LARP1B: variants seen among roughly 807,000 people sequenced by gnomAD.
LARP1B encodes the protein la-related protein 1B.
Under a neutral mutation model 114.2 loss-of-function variants are expected in LARP1B, and 76 were observed. The ratio of observed to expected loss-of-function variants is 0.67; its 90% CI spans 0.55 to 0.81. The LOEUF is 0.81. Among genes scored for constraint, LARP1B ranks in the 30% least tolerant of loss-of-function variants. LARP1B has a pLI of 0.00. For synonymous variants in LARP1B, 345 were observed against 348.0 expected (o/e 0.99, Z 0.10); for missense variants, 1,014 against 1,075.8 (o/e 0.94, Z 0.80).
intron 11 of LARP1B, chr4:128,155,468 C>T: frequency 1.3e-6 from 1 of 768,314 alleles, no homozygotes. Flanking sequence ...CCCCCGGCCG[C>T]AGTGCAGGCA....
intron 11 of LARP1B, among the ~76,000 whole-genome samples, chr4:128,147,198 T>G (rs1400918596): frequency 6.6e-6 from 1 of 152,196 alleles, no homozygotes; most frequent in African/African-American, 2.4e-5. Context: ...AGACCTCTTT[T>G]GTATATTTGC....
chr4:128,163,906 C>T (rs1423018644), intron 12 of LARP1B, among the ~76,000 whole-genome samples: 1 of 152,022 alleles, frequency 6.6e-6, no homozygotes, highest in Admixed American at 6.6e-5. Context: ...AAGGTTGAGC[C>T]CCCACCAAGG....
chr4:128,188,022 C>T (rs971916355), intron 15 of LARP1B, among the ~76,000 whole-genome samples: 1 of 152,084 alleles, frequency 6.6e-6, no homozygotes, highest in Admixed American at 6.6e-5. Flanking sequence ...GTACTGCCTA[C>T]AGAACCATGA....
chr4:128,069,099 C>A, intron 1 of LARP1B: 1 of 1,074,082 alleles, frequency 9.3e-7, no homozygotes, highest in Non-Finnish European at 1.4e-6. Context: ...GCACTTAAGG[C>A]CCTTTCCAAG....
intron 8 of LARP1B, 35 bp downstream of exon 8, chr4:128,098,365 T>G (rs1483656548): frequency 6.4e-6 from 10 of 1,560,914 alleles, no homozygotes; most frequent in Non-Finnish European, 7.9e-6. Flanking sequence ...TTGTACTTTC[T>G]GCTCAAATTT....
At chr4:128,182,595 C>G (rs923241901) in intron 15 of LARP1B, among the ~76,000 whole-genome samples, 1 of 152,092 alleles carries the variant, frequency 6.6e-6, no homozygotes, top group Non-Finnish European at 1.5e-5. Flanking sequence ...ATCCCTGTAC[C>G]CTGAGAGACA....
intron 1 of LARP1B, among the ~76,000 whole-genome samples, chr4:128,073,064 T>G (rs1219628861): frequency 2.0e-5 from 3 of 152,106 alleles, no homozygotes; most frequent in Non-Finnish European, 4.4e-5. Flanking sequence ...TTCCTGAAAA[T>G]GGAATTCTTT....
chr4:128,123,176 C>T (rs1364723118), intron 11 of LARP1B: 1 of 985,438 alleles, frequency 1.0e-6, no homozygotes, highest in African/African-American at 1.7e-5. Context: ...CTGGAATCCC[C>T]AGTACTGCTT....
intron 4 of LARP1B, among the ~76,000 whole-genome samples, chr4:128,079,065 G>A (rs1380089570): frequency 6.7e-6 from 1 of 150,200 alleles, no homozygotes; most frequent in Non-Finnish European, 1.5e-5. Context: ...TTTTACCGTA[G>A]ACTGATCACT....
chr4:128,201,047 T>C (rs906676584), intron 17 of LARP1B, among the ~76,000 whole-genome samples: 1 of 152,226 alleles, frequency 6.6e-6, no homozygotes, highest in Non-Finnish European at 1.5e-5. Context: ...GAGGATCTTT[T>C]TCAAGCTCAT....
At chr4:128,169,640 T>A (rs1438807498) in intron 12 of LARP1B, among the ~76,000 whole-genome samples, 1 of 152,130 alleles carries the variant, frequency 6.6e-6, no homozygotes, top group Non-Finnish European at 1.5e-5. Context: ...TATCTATATA[T>A]TTTTTTAAGA....
At chr4:128,098,767 A>ATTTTTTT (rs869184167) in intron 8 of LARP1B, among the ~76,000 whole-genome samples, 1 of 35,032 alleles carries the variant, frequency 2.9e-5, no homozygotes, top group Admixed American at 4.7e-4. Flanking sequence ...ATATATATAT[A>ATTTTTTT]TTTTTTTTTT....
chr4:128,193,552 T>C (rs1752974299), intron 15 of LARP1B, among the ~76,000 whole-genome samples: 1 of 152,176 alleles, frequency 6.6e-6, no homozygotes, highest in East Asian at 1.9e-4. Context: ...CATTTGATAA[T>C]ACCCATAGCT....
At chr4:128,119,104 C>T (rs543535065) in intron 10 of LARP1B, among the ~76,000 whole-genome samples, 21 of 151,862 alleles carry the variant, frequency 1.4e-4, no homozygotes, top group East Asian at 3.9e-4. Flanking sequence ...AGGCTGGTCT[C>T]GAACTCCTGA....
At chr4:128,184,474 T>C (rs1749648840) in intron 15 of LARP1B, among the ~76,000 whole-genome samples, 1 of 152,238 alleles carries the variant, frequency 6.6e-6, no homozygotes. Context: ...GGGGTGCATG[T>C]GATATTTTGA....
intron 15 of LARP1B, among the ~76,000 whole-genome samples, chr4:128,183,196 A>G (rs1018037377): frequency 6.6e-6 from 1 of 152,210 alleles, no homozygotes; most frequent in Admixed American, 6.5e-5. Flanking sequence ...TAAACAATAG[A>G]TTTTCAGTGT....
Position 128,170,561 on chromosome 4 carries a change from A to G in LARP1B, c.1649-6311A>G, listed in dbSNP as rs183728007. Among the ~76,000 whole-genome samples the G allele has an allele frequency of 2.1e-3, 317 of 152,182 alleles. 1 individual carries two copies. The highest frequency in any genetic ancestry group is 3.4e-3 in the Admixed American group (52 of 15,284). On this transcript the variant is annotated intron_variant, in intron 12 of 19. Transcript: ENST00000326639. Reference sequence around the variant, plus strand: ...ATTGGTATATTGTGTCATCTTGGTGAATTGGCCCTTTCATTCATATATGTT... The same window carrying G: ...ATTGGTATATTGTGTCATCTTGGTGGATTGGCCCTTTCATTCATATATGTT...
chr4:128,149,156 G>A lies in LARP1B; in HGVS notation c.1525-13038G>A, dbSNP rs77823308. Among the ~76,000 whole-genome samples the A allele has an allele frequency of 5.4e-3, 818 of 152,210 alleles. 7 individuals are homozygous for A. The highest frequency in any genetic ancestry group is 0.019 in the African/African-American group (777 of 41,538). ...ACATTCATTGAGTAGAATAGCAGTG[G>A]CATTGCTGGCCCATTTAAAAAGTAT... On this transcript the variant is annotated intron_variant, in intron 11 of 19. Coordinates refer to ENST00000326639, the MANE Select transcript of LARP1B (RefSeq NM_018078.4).
At position 128,211,038 on chromosome 4, in the gene LARP1B, T is replaced by C. The variant is rs1758892918; in HGVS notation, c.*985T>C. The stretch of plus-strand genomic sequence containing the variant: ...TTTTTATAAATGTTTTCAAGAGTTA[T>C]AGCAAATTGATTTCTAATTTTTATT... On this transcript the variant is annotated 3_prime_UTR_variant, in exon 20 of 20. Coordinates refer to ENST00000326639, the MANE Select transcript of LARP1B (RefSeq NM_018078.4). The C allele has an allele frequency of 3.3e-6, 3 of 903,714 alleles. No individual in the cohort carries two copies. Among genetic ancestry groups the C allele is most frequent in the African/African-American group, 1.8e-5 (1 of 55,490 alleles). The allele number at this position is 903,714 out of a possible 1,614,324, so 56.0% of individuals were successfully genotyped here.
Sources: gnomAD v4.1 joint callset for allele counts (sites outside exome capture counted in the v4.1 genomes callset) on GRCh38, gnomAD v4.1.1 for gene constraint, MANE v1.5 for transcripts, NCBI Gene and HGNC (gene_info 2026-07-23, HGNC 2026-07-21) for gene names.